Variants in PLA2G4A observed in about 807,000 individuals in gnomAD.
PLA2G4A encodes cytosolic phospholipase A2.
Under a neutral mutation model 81.9 loss-of-function variants are expected in PLA2G4A, and 40 were observed. The observed-to-expected ratio is 0.49, with a 90% CI of 0.38 to 0.64. PLA2G4A has a LOEUF of 0.64. Among genes scored for constraint, PLA2G4A ranks in the 30% least tolerant of loss-of-function variants. The pLI is 0.00. For synonymous variants in PLA2G4A, 302 were observed against 296.9 expected (o/e 1.02, Z -0.18); for missense variants, 715 against 905.1 (o/e 0.79, Z 2.69).
intron 7 of PLA2G4A, among the ~76,000 whole-genome samples, chr1:186,914,769 T>C (rs1278262824): frequency 6.6e-6 from 1 of 152,194 alleles, no homozygotes; most frequent in Non-Finnish European, 1.5e-5. Context: ...TTTTAGTTTT[T>C]ACTTCTTCTT....
At chr1:186,941,112 C>A (rs1009366658) in intron 10 of PLA2G4A, among the ~76,000 whole-genome samples, 1,373 of 106,692 alleles carry the variant, frequency 0.013, no homozygotes, top group Non-Finnish European at 0.015. Context: ...GACTCCGTCT[C>A]AAAAAAAAAA....
intron 1 of PLA2G4A, among the ~76,000 whole-genome samples, chr1:186,846,540 A>G (rs1398207606): frequency 6.6e-6 from 1 of 152,184 alleles, no homozygotes; most frequent in East Asian, 1.9e-4. Context: ...TGACAACCAC[A>G]GTACATTATC....
chr1:186,880,355 A>G (rs1653683267), intron 3 of PLA2G4A, among the ~76,000 whole-genome samples: 1 of 152,000 alleles, frequency 6.6e-6, no homozygotes, highest in African/African-American at 2.4e-5. Context: ...AATCTGTCCA[A>G]TATATATTAT....
At chr1:186,872,412 C>G (rs1473678154) in intron 3 of PLA2G4A, among the ~76,000 whole-genome samples, 1 of 152,124 alleles carries the variant, frequency 6.6e-6, no homozygotes, top group African/African-American at 2.4e-5. Context: ...CTTAATTCCA[C>G]TAAATTCTGT....
chr1:186,980,395 C>T (rs1359572802), intron 17 of PLA2G4A, among the ~76,000 whole-genome samples: 1 of 152,138 alleles, frequency 6.6e-6, no homozygotes, highest in Non-Finnish European at 1.5e-5. Context: ...CATATAGGAA[C>T]ACTATTCTGT....
chr1:186,922,881 G>T (rs6685936), intron 7 of PLA2G4A, among the ~76,000 whole-genome samples: 152,285 of 152,286 alleles, frequency 1, 76,142 homozygotes, highest in Middle Eastern at 1. Flanking sequence ...GTTACGTGAC[G>T]GGGGGCTGCA....
chr1:186,946,675 A>G lies in PLA2G4A; in HGVS notation c.1072A>G (p.Lys358Glu). 1 of 1,610,882 alleles carries G rather than the reference A, an allele frequency of 6.2e-7. No homozygotes were observed. Among genetic ancestry groups the G allele is most frequent in the Non-Finnish European group, 8.5e-7 (1 of 1,177,220 alleles). The change falls in exon 11 of 18, where the codon AAA becomes GAA. Residue 358 changes from lysine to glutamate, a missense_variant. By Grantham distance (56) the Lys-to-Glu change is moderately conservative. Coordinates refer to ENST00000367466, the MANE Select transcript of PLA2G4A (RefSeq NM_024420.3). ...TAGTCCATACGAAATTGGCATGGCT[A>G]AATATGGTACTTTTATGGCTCCCGA... ...EFSPYEIGMA[K>E]YGTFMAPDLF...
intron 3 of PLA2G4A, among the ~76,000 whole-genome samples, chr1:186,877,313 C>T (rs1353150084): frequency 1.3e-5 from 2 of 152,004 alleles, no homozygotes; most frequent in African/African-American, 4.8e-5. Flanking sequence ...ATGCCTAACA[C>T]ACAGTAAGTG....
chr1:186,980,101 C>T (rs1279773097), intron 17 of PLA2G4A, among the ~76,000 whole-genome samples: 5 of 151,914 alleles, frequency 3.3e-5, no homozygotes, highest in African/African-American at 4.8e-5. Context: ...GCGCCTGCCA[C>T]CACGCCCGGC....
intron 2 of PLA2G4A, among the ~76,000 whole-genome samples, chr1:186,856,203 C>T (rs1329203285): frequency 2.0e-5 from 3 of 151,902 alleles, no homozygotes; most frequent in African/African-American, 4.8e-5. Flanking sequence ...CATTAACAAA[C>T]CATGAATCTC....
chr1:186,880,975 C>G (rs888895756), intron 3 of PLA2G4A, among the ~76,000 whole-genome samples: 1 of 152,074 alleles, frequency 6.6e-6, no homozygotes, highest in East Asian at 1.9e-4. Context: ...ATATTTCTCC[C>G]CATTTTCCCA....
chr1:186,971,182 A>G (rs958840045), intron 15 of PLA2G4A, among the ~76,000 whole-genome samples: 1 of 151,916 alleles, frequency 6.6e-6, no homozygotes, highest in African/African-American at 2.4e-5. Context: ...ATCATATACT[A>G]TATGATTCTT....
At chr1:186,962,810 T>C (rs1035544969) in intron 14 of PLA2G4A, among the ~76,000 whole-genome samples, 7 of 117,124 alleles carry the variant, frequency 6.0e-5, no homozygotes, top group African/African-American at 2.4e-4. Context: ...CGTGAGCCAC[T>C]GCGCCCGGTC....
At chr1:186,979,579 C>A in intron 17 of PLA2G4A, 107 bp downstream of exon 17, 2 of 786,716 alleles carry the variant, frequency 2.5e-6, no homozygotes, top group Non-Finnish European at 4.4e-6. Flanking sequence ...TTATGAATGA[C>A]ACCACCCAAA....
intron 7 of PLA2G4A, among the ~76,000 whole-genome samples, chr1:186,932,294 C>T (rs1321833848): frequency 2.9e-5 from 4 of 138,568 alleles, no homozygotes; most frequent in Admixed American, 7.1e-5. Context: ...TTTTCTTTTT[C>T]TTTTTTTTTT....
Position 186,938,282 on chromosome 1 carries a change from G to A in PLA2G4A, c.696-726G>A, listed in dbSNP as rs187563460. Among the ~76,000 whole-genome samples the A allele has an allele frequency of 2.0e-5, 3 of 152,174 alleles. No homozygotes were observed. The East Asian group carries it at 5.8e-4, about 29-fold the overall frequency. On this transcript the variant is annotated intron_variant, in intron 8 of 17. Coordinates refer to ENST00000367466, the MANE Select transcript of PLA2G4A (RefSeq NM_024420.3). ...TACTAGAGGTATTGGTTCACAGGTA[G>A]GAGCACCATAACTAAATTTTTATTA...
intron 8 of PLA2G4A, 48 bp downstream of exon 8, chr1:186,932,947 A>G (rs1197319918): frequency 7.4e-7 from 1 of 1,350,622 alleles, no homozygotes; most frequent in East Asian, 2.4e-5. Flanking sequence ...AATATTTAGG[A>G]TTTATCTAAC....
intron 6 of PLA2G4A, among the ~76,000 whole-genome samples, chr1:186,909,705 TC>T (rs1255705700): frequency 6.6e-6 from 1 of 151,424 alleles, no homozygotes; most frequent in Non-Finnish European, 1.5e-5. Flanking sequence ...CTTACTCTTT[TC>T]CCCCGTTACA....
At chr1:186,936,725 C>T (rs781745910) in intron 8 of PLA2G4A, among the ~76,000 whole-genome samples, 2 of 151,924 alleles carry the variant, frequency 1.3e-5, no homozygotes, top group Admixed American at 1.3e-4. Flanking sequence ...TTGAACTGAA[C>T]ATCACTTCCT....
Sources: gnomAD v4.1 joint callset for allele counts (sites outside exome capture counted in the v4.1 genomes callset) on GRCh38, gnomAD v4.1.1 for gene constraint, MANE v1.5 for transcripts, NCBI Gene and HGNC (gene_info 2026-07-23, HGNC 2026-07-21) for gene names.